Variants in CCDC102B observed in about 807,000 individuals in gnomAD.
CCDC102B encodes the protein coiled-coil domain-containing protein 102B.
Under a neutral mutation model 57.4 loss-of-function variants are expected in CCDC102B, and 75 were observed. The observed-to-expected ratio is 1.31, with a 90% CI of 1.08 to 1.58. The LOEUF (loss-of-function observed/expected upper bound fraction) is 1.58. Ranked by LOEUF, CCDC102B falls within the 40% of genes most tolerant of loss-of-function variation. The probability of loss-of-function intolerance (pLI) is 0.00; values close to 1 mark genes in which losing one functional copy is unlikely to be tolerated. For synonymous variants in CCDC102B, 206 were observed against 201.9 expected, an observed-to-expected ratio of 1.02 and a Z score of -0.17; for missense variants, 636 against 582.6, an observed-to-expected ratio of 1.09 and a Z score of -0.94.
intron 6 of CCDC102B, among the ~76,000 whole-genome samples, chr18:68,991,005 C>T (rs151156145): frequency 6.6e-6 from 1 of 152,012 alleles, no homozygotes; most frequent in African/African-American, 2.4e-5. Flanking sequence ...TTTTCCTTTG[C>T]ATTTCTTAAT....
intron 2 of CCDC102B, among the ~76,000 whole-genome samples, chr18:68,725,077 G>A (rs1045839307): frequency 2.0e-5 from 3 of 152,164 alleles, no homozygotes; most frequent in Non-Finnish European, 2.9e-5. Context: ...AGTGAAGAGG[G>A]AAGCCCCTTA....
chr18:68,855,301 A>G (rs764919268), intron 4 of CCDC102B, among the ~76,000 whole-genome samples: 12 of 152,158 alleles, frequency 7.9e-5, no homozygotes, highest in Non-Finnish European at 1.6e-4. Context: ...AGGGGTGTCA[A>G]TAAGATGAAT....
chr18:68,790,109 C>T (rs1442341624), intron 2 of CCDC102B, among the ~76,000 whole-genome samples: 3 of 149,300 alleles, frequency 2.0e-5, no homozygotes, highest in East Asian at 2.0e-4. Flanking sequence ...TCAGTCTGCC[C>T]CTGCTGGGGG....
intron 6 of CCDC102B, among the ~76,000 whole-genome samples, chr18:68,998,780 A>T (rs1006153277): frequency 6.6e-6 from 1 of 151,946 alleles, no homozygotes; most frequent in African/African-American, 2.4e-5. Flanking sequence ...GCCTGCTTTT[A>T]TCCTGGCTTC....
intron 6 of CCDC102B, among the ~76,000 whole-genome samples, chr18:68,964,257 T>C (rs2050116441): frequency 6.6e-6 from 1 of 151,946 alleles, no homozygotes; most frequent in Non-Finnish European, 1.5e-5. Context: ...TTTGCAGCTG[T>C]GATCATTTTG....
At chr18:68,881,314 G>C (rs2039686091) in intron 5 of CCDC102B, among the ~76,000 whole-genome samples, 1 of 152,146 alleles carries the variant, frequency 6.6e-6, no homozygotes. Flanking sequence ...TAGATATTTA[G>C]AGCTAATGTT....
chr18:68,776,693 G>GA (rs1450084954), intron 2 of CCDC102B, among the ~76,000 whole-genome samples: 2 of 151,770 alleles, frequency 1.3e-5, no homozygotes, highest in Non-Finnish European at 2.9e-5. Context: ...AGAGGATCAG[G>GA]AAAAATAACT....
intron 2 of CCDC102B, among the ~76,000 whole-genome samples, chr18:68,759,319 G>A (rs2034173231): frequency 6.6e-6 from 1 of 152,056 alleles, no homozygotes; most frequent in Non-Finnish European, 1.5e-5. Context: ...AAATTTTATA[G>A]GAACTTAAAG....
At chr18:68,772,114 C>A (rs1231938570) in intron 2 of CCDC102B, among the ~76,000 whole-genome samples, 5 of 152,094 alleles carry the variant, frequency 3.3e-5, no homozygotes, top group African/African-American at 9.7e-5. Flanking sequence ...GCATCAAATT[C>A]TTCTCCCATG....
intron 1 of CCDC102B, among the ~76,000 whole-genome samples, chr18:68,819,607 A>C (rs1490464401): frequency 1.3e-5 from 2 of 152,060 alleles, no homozygotes; most frequent in East Asian, 3.8e-4. Context: ...AATTTTAACA[A>C]AATAAAATTT....
At chr18:68,837,856 A>G (rs1002927257) in intron 2 of CCDC102B, among the ~76,000 whole-genome samples, 3 of 152,202 alleles carry the variant, frequency 2.0e-5, no homozygotes, top group Admixed American at 2.0e-4. Flanking sequence ...TCCGTGAACA[A>G]CACATCTTAT....
chr18:68,966,879 G>A (rs2050178226), intron 6 of CCDC102B, among the ~76,000 whole-genome samples: 1 of 152,056 alleles, frequency 6.6e-6, no homozygotes, highest in Non-Finnish European at 1.5e-5. Context: ...CCCTTCCCCA[G>A]CTGTGGTGGA....
chr18:68,912,021 T>G (rs919577481), intron 6 of CCDC102B, among the ~76,000 whole-genome samples: 2 of 152,116 alleles, frequency 1.3e-5, no homozygotes, highest in East Asian at 3.9e-4. Context: ...TTTTGTAAAT[T>G]TTTACAAGAA....
chr18:69,028,329 G>T (rs951050112), intron 7 of CCDC102B, among the ~76,000 whole-genome samples: 1 of 152,200 alleles, frequency 6.6e-6, no homozygotes, highest in Non-Finnish European at 1.5e-5. Flanking sequence ...TTTCAAGACG[G>T]AATGATATTC....
At chr18:68,942,013 T>G (rs1014512721) in intron 6 of CCDC102B, among the ~76,000 whole-genome samples, 1 of 151,992 alleles carries the variant, frequency 6.6e-6, no homozygotes, top group African/African-American at 2.4e-5. Context: ...GCTCGTCAAC[T>G]CGTACTGAAA....
intron 6 of CCDC102B, among the ~76,000 whole-genome samples, chr18:68,946,214 A>G (rs2049534332): frequency 6.6e-6 from 1 of 152,056 alleles, no homozygotes; most frequent in Non-Finnish European, 1.5e-5. Flanking sequence ...TGTACAAATT[A>G]TCTCCCATGT....
intron 6 of CCDC102B, among the ~76,000 whole-genome samples, chr18:69,008,152 T>G (rs2051404047): frequency 6.6e-6 from 1 of 152,234 alleles, no homozygotes; most frequent in African/African-American, 2.4e-5. Context: ...GAAAGATCTT[T>G]TTTTAAATGT....
intron 6 of CCDC102B, among the ~76,000 whole-genome samples, chr18:68,918,816 C>T (rs1450158530): frequency 1.3e-5 from 2 of 152,110 alleles, no homozygotes; most frequent in Non-Finnish European, 2.9e-5. Context: ...ATATAATCTT[C>T]ACAAGCAGTA....
chr18:68,785,952 A>G (rs1213653963), intron 2 of CCDC102B, among the ~76,000 whole-genome samples: 1 of 151,950 alleles, frequency 6.6e-6, no homozygotes, highest in African/African-American at 2.4e-5. Flanking sequence ...TAGGGTTTTT[A>G]TGGTTTTAGG....
Sources: gnomAD v4.1 joint callset for allele counts (sites outside exome capture counted in the v4.1 genomes callset) on GRCh38, gnomAD v4.1.1 for gene constraint, MANE v1.5 for transcripts, NCBI Gene and HGNC (gene_info 2026-07-23, HGNC 2026-07-21) for gene names.